The following CNTLN variants were observed in gnomAD, a reference collection of about 807,000 sequenced individuals.
CNTLN encodes centlein, centrosomal protein.
A neutral mutation model predicts 180.0 loss-of-function variants in CNTLN; 212 were observed. The observed-to-expected ratio is 1.18, with a 90% CI of 1.05 to 1.32. The LOEUF (loss-of-function observed/expected upper bound fraction) is 1.32, where lower values mean the gene tolerates loss of function less well. CNTLN is among the 40% of genes most tolerant of loss of function. The pLI is 0.00. For missense variants in CNTLN, 2,095 were observed against 1,610.9 expected (o/e 1.30, Z -5.14); for synonymous variants, 722 against 563.1 (o/e 1.28, Z -3.99).
chr9:17,370,455 A>G (rs1206802887), intron 13 of CNTLN, among the ~76,000 whole-genome samples: 1 of 152,232 alleles, frequency 6.6e-6, no homozygotes, highest in Non-Finnish European at 1.5e-5. Flanking sequence ...CTGGAATAAT[A>G]TATCCTGCAA....
At chr9:17,397,516 T>C (rs1826628658) in intron 15 of CNTLN, among the ~76,000 whole-genome samples, 2 of 152,320 alleles carry the variant, frequency 1.3e-5, no homozygotes, top group East Asian at 3.9e-4. Context: ...CAGAGGTCAC[T>C]CTGATCACTG....
chr9:17,301,899 A>G (rs1818382680), intron 7 of CNTLN: 2 of 928,354 alleles, frequency 2.2e-6, no homozygotes, highest in South Asian at 1.0e-4. Flanking sequence ...GCACACTAGT[A>G]TTTTTCACTT....
chr9:17,278,333 G>A (rs1019277772), intron 6 of CNTLN, among the ~76,000 whole-genome samples: 4 of 150,114 alleles, frequency 2.7e-5, no homozygotes, highest in African/African-American at 1.0e-4. Context: ...TTTTGCATAT[G>A]AACTTTAGAG....
chr9:17,291,733 C>G (rs768582028), intron 6 of CNTLN, among the ~76,000 whole-genome samples: 7 of 152,146 alleles, frequency 4.6e-5, no homozygotes, highest in African/African-American at 1.7e-4. Context: ...AAATCCAGCA[C>G]GTTGATGAGT....
downstream of CNTLN, among the ~76,000 whole-genome samples, chr9:17,506,625 C>T (rs998465174): frequency 4.6e-5 from 7 of 152,054 alleles, no homozygotes; most frequent in Non-Finnish European, 8.8e-5. Flanking sequence ...GGATTCTTCC[C>T]AGTAGCAAAA....
chr9:17,372,306 G>T (rs1227447513), intron 13 of CNTLN, among the ~76,000 whole-genome samples: 1 of 152,228 alleles, frequency 6.6e-6, no homozygotes, highest in East Asian at 1.9e-4. Flanking sequence ...AGCATTGTTA[G>T]TGGCTACTAT....
chr9:17,348,543 T>G (rs36063154), intron 12 of CNTLN, among the ~76,000 whole-genome samples: 32,528 of 151,098 alleles, frequency 0.22, 3,916 homozygotes, highest in South Asian at 0.37. Context: ...TTTTTTTTTT[T>G]TTTTTGAGAC....
the CNTLN span, among the ~76,000 whole-genome samples, chr9:17,516,812 C>T: frequency 4.6e-5 from 7 of 152,102 alleles, no homozygotes; most frequent in Non-Finnish European, 1.0e-4. Flanking sequence ...ATTTTCTGAG[C>T]CCCAACAACA....
chr9:17,345,792 T>A (rs1008927206), intron 12 of CNTLN, among the ~76,000 whole-genome samples: 2 of 152,140 alleles, frequency 1.3e-5, no homozygotes, highest in African/African-American at 4.8e-5. Flanking sequence ...GGTCGTCTCT[T>A]ATGTTTACCC....
rs375821120 is a variant in CNTLN at position 17,272,283 on chromosome 9, G to C, written c.850-1450G>C. On this transcript the variant is annotated intron_variant, in intron 5 of 25. Coordinates refer to ENST00000380647, the MANE Select transcript of CNTLN (RefSeq NM_017738.4). ...GTAGAGGCGGGGTTTCACCACGTTG[G>C]CTAGGATAGTCTCGATCAGTTGACC... Among the ~76,000 whole-genome samples the C allele has an allele frequency of 2.4e-3, 359 of 152,074 alleles. 2 individuals carry two copies. Among genetic ancestry groups the C allele is most frequent in the African/African-American group, 8.3e-3 (345 of 41,502 alleles).
At chr9:17,155,460 C>G (rs1401789148) in intron 2 of CNTLN, among the ~76,000 whole-genome samples, 1 of 152,198 alleles carries the variant, frequency 6.6e-6, no homozygotes, top group African/African-American at 2.4e-5. Context: ...TAGAGATGCC[C>G]TTTCCAGAGA....
At chr9:17,472,428 T>G (rs913172652) in intron 23 of CNTLN, among the ~76,000 whole-genome samples, 2 of 152,104 alleles carry the variant, frequency 1.3e-5, no homozygotes, top group African/African-American at 4.8e-5. Context: ...CCAACACAAT[T>G]CTGTTATGAC....
intron 18 of CNTLN, among the ~76,000 whole-genome samples, chr9:17,452,022 C>T (rs1412300682): frequency 6.6e-6 from 1 of 152,246 alleles, no homozygotes; most frequent in South Asian, 2.1e-4. Flanking sequence ...GTTGGATACC[C>T]AACAGCATTT....
intron 15 of CNTLN, among the ~76,000 whole-genome samples, chr9:17,398,704 T>C (rs543129272): frequency 4.6e-5 from 7 of 152,298 alleles, no homozygotes; most frequent in African/African-American, 1.7e-4. Flanking sequence ...CTGTTTATCA[T>C]TGGTTTCTTT....
rs142981539 is a variant in CNTLN, at chr9:17,339,134, A to G, written c.1645-1693A>G. Among the ~76,000 whole-genome samples the G allele has an allele frequency of 5.3e-5, 8 of 152,328 alleles. No individual in the cohort carries two copies. The East Asian group carries it at 1.5e-3, about 29-fold the overall frequency. On this transcript the variant is annotated intron_variant, in intron 10 of 25. Coordinates refer to ENST00000380647, the MANE Select transcript of CNTLN (RefSeq NM_017738.4). ...GCACTTTCATTTCTGTACGGCATAT[A>G]GAACACTTCTTGTTACAAACAAGAC...
At chr9:17,470,346 T>C (rs1831988530) in intron 23 of CNTLN, among the ~76,000 whole-genome samples, 1 of 151,946 alleles carries the variant, frequency 6.6e-6, no homozygotes, top group Admixed American at 6.6e-5. Context: ...AACATTATGA[T>C]CACCAGGACT....
At chr9:17,491,544 T>C (rs894802609) in intron 25 of CNTLN, among the ~76,000 whole-genome samples, 2 of 152,142 alleles carry the variant, frequency 1.3e-5, no homozygotes, top group Admixed American at 1.3e-4. Context: ...AAATGTGTTC[T>C]TGATTTATGG....
At chr9:17,295,392 CAGTA>C (rs1268758807) in intron 6 of CNTLN, among the ~76,000 whole-genome samples, 1 of 152,210 alleles carries the variant, frequency 6.6e-6, no homozygotes, top group Non-Finnish European at 1.5e-5. Context: ...TGGCACCTCT[CAGTA>C]GGTCGATCAC....
At chr9:17,213,314 T>C (rs894976266) in intron 2 of CNTLN, among the ~76,000 whole-genome samples, 2 of 152,150 alleles carry the variant, frequency 1.3e-5, no homozygotes, top group East Asian at 1.9e-4. Flanking sequence ...TCATTATGTA[T>C]CCAGTAGTCA....
Sources: gnomAD v4.1 joint callset for allele counts (sites outside exome capture counted in the v4.1 genomes callset) on GRCh38, gnomAD v4.1.1 for gene constraint, MANE v1.5 for transcripts, NCBI Gene and HGNC (gene_info 2026-07-23, HGNC 2026-07-21) for gene names.